Variants in FAM53B observed in about 807,000 individuals in gnomAD.
FAM53B encodes the protein family with sequence similarity 53 member B, also known as protein FAM53B.
FAM53B carries 12 observed loss-of-function variants against 32.7 expected under a neutral mutation model. The ratio of observed to expected loss-of-function variants is 0.37; its 90% CI spans 0.24 to 0.59. The LOEUF is 0.59. Among genes scored for constraint, FAM53B ranks in the 20% least tolerant of loss-of-function variants. FAM53B has a pLI of 0.72. For synonymous variants in FAM53B, 234 were observed against 228.7 expected, an observed-to-expected ratio of 1.02 and a Z score of -0.21; for missense variants, 477 against 577.7, an observed-to-expected ratio of 0.83 and a Z score of 1.79.
intron 1 of FAM53B, among the ~76,000 whole-genome samples, chr10:124,741,854 G>C (rs1950202118): frequency 6.6e-6 from 1 of 152,140 alleles, no homozygotes; most frequent in African/African-American, 2.4e-5. Context: ...AGAGAAGAGG[G>C]AAACTGATTT....
Position 124,733,191 on chromosome 10 carries a change from C to G in FAM53B, c.-175+10822G>C, listed in dbSNP as rs1043880186. Among the ~76,000 whole-genome samples the G allele has an allele frequency of 2.0e-5, 3 of 152,334 alleles. No homozygotes were observed. The highest frequency in any genetic ancestry group is 2.0e-4 in the Admixed American group (3 of 15,304). ...CTACCAGCCTTGGAAAACACACCCC[C>G]CAAAGCTAAGATGGGCTGCTAACTG... On this transcript the variant is annotated intron_variant, in intron 1 of 4. Coordinates refer to ENST00000337318, the MANE Select transcript of FAM53B (RefSeq NM_014661.4). The surrounding 1 kb of genome is among the most constrained non-coding windows in gnomAD (Gnocchi z 4.3).
intron 4 of FAM53B, among the ~76,000 whole-genome samples, chr10:124,681,287 C>T (rs966639743): frequency 1.3e-5 from 2 of 152,164 alleles, no homozygotes; most frequent in Non-Finnish European, 1.5e-5. Context: ...GAGACGGCTC[C>T]AGTGAAGGGC....
chr10:124,670,808 C>A (rs1949703288), intron 4 of FAM53B, among the ~76,000 whole-genome samples: 1 of 152,218 alleles, frequency 6.6e-6, no homozygotes, highest in Non-Finnish European at 1.5e-5. Flanking sequence ...GTGATCCAAA[C>A]CACGCTGGCC....
At chr10:124,624,903 C>T (rs752714672) in intron 4 of FAM53B, among the ~76,000 whole-genome samples, 4 of 152,284 alleles carry the variant, frequency 2.6e-5, no homozygotes, top group African/African-American at 9.6e-5. Flanking sequence ...GCAACGAGGT[C>T]GAATAGCAGA....
At chr10:124,737,321 A>C (rs917729042) in intron 1 of FAM53B, among the ~76,000 whole-genome samples, 1 of 152,166 alleles carries the variant, frequency 6.6e-6, no homozygotes, top group Admixed American at 6.5e-5. Context: ...ACTTTTGGCA[A>C]AGAGGCCAAA....
At chr10:124,627,232 C>A (rs1949361556) in intron 4 of FAM53B, among the ~76,000 whole-genome samples, 1 of 152,136 alleles carries the variant, frequency 6.6e-6, no homozygotes, top group Non-Finnish European at 1.5e-5. Flanking sequence ...TCGTGAGCAA[C>A]CCCCATGCAG....
At chr10:124,711,471 G>C (rs1034982249) in intron 1 of FAM53B, among the ~76,000 whole-genome samples, 1 of 152,072 alleles carries the variant, frequency 6.6e-6, no homozygotes, top group African/African-American at 2.4e-5. Context: ...GGGACAGCGA[G>C]TAAGGGATAT....
At chr10:124,694,011 T>C (rs1949851902) in intron 3 of FAM53B, among the ~76,000 whole-genome samples, 2 of 152,150 alleles carry the variant, frequency 1.3e-5, no homozygotes, top group African/African-American at 4.8e-5. Flanking sequence ...AGGTCAGGGT[T>C]TTCCTGAATT....
intron 1 of FAM53B, among the ~76,000 whole-genome samples, chr10:124,730,378 A>G (rs1260210605): frequency 1.3e-5 from 2 of 152,196 alleles, no homozygotes; most frequent in African/African-American, 4.8e-5. Flanking sequence ...GCAGAGGGGC[A>G]TGGTGGGGGC....
intron 4 of FAM53B, among the ~76,000 whole-genome samples, chr10:124,626,337 C>T (rs943420040): frequency 1.3e-5 from 2 of 150,756 alleles, no homozygotes; most frequent in African/African-American, 4.9e-5. Context: ...TTATGGCCAC[C>T]ATGATTGTGT....
chr10:124,649,916 A>G (rs552017898), intron 4 of FAM53B, among the ~76,000 whole-genome samples: 2 of 152,282 alleles, frequency 1.3e-5, no homozygotes, highest in East Asian at 3.9e-4. Flanking sequence ...GGAAGACACT[A>G]CTGTTCCCAT....
chr10:124,638,215 A>C (rs1165079758), intron 4 of FAM53B, among the ~76,000 whole-genome samples: 1 of 152,022 alleles, frequency 6.6e-6, no homozygotes, highest in East Asian at 1.9e-4. Context: ...AAAAAACACA[A>C]AAAAATTAGC....
At chr10:124,684,896 CAG>C (rs1453193459) in intron 3 of FAM53B, among the ~76,000 whole-genome samples, 1 of 152,062 alleles carries the variant, frequency 6.6e-6, no homozygotes, top group South Asian at 2.1e-4. Context: ...TAAAAGAAAA[CAG>C]AAAGTTATCC....
At chr10:124,642,859 C>T (rs1949486055) in intron 4 of FAM53B, among the ~76,000 whole-genome samples, 2 of 152,372 alleles carry the variant, frequency 1.3e-5, no homozygotes, top group South Asian at 4.1e-4. Context: ...GGCAGTCCGG[C>T]AAGACTGCCT....
chr10:124,650,574 A>G (rs1949549935), intron 4 of FAM53B, among the ~76,000 whole-genome samples: 1 of 152,158 alleles, frequency 6.6e-6, no homozygotes, highest in East Asian at 1.9e-4. Context: ...TCTCATCTCC[A>G]CTTTACAAAT....
rs1451529162 is a variant in FAM53B, at chr10:124,733,449, T to C, written c.-175+10564A>G. Among the ~76,000 whole-genome samples the C allele has an allele frequency of 6.6e-6, 1 of 152,172 alleles. No individual in the cohort carries two copies. Among genetic ancestry groups the C allele is most frequent in the Non-Finnish European group, 1.5e-5 (1 of 68,026 alleles). On this transcript the variant is annotated intron_variant, in intron 1 of 4. Transcript: ENST00000337318. This position sits in a 1 kb window ranked among gnomAD's most constrained non-coding sequence, Gnocchi z 4.3. ...TGAGAACACTAGTGAGAACAGGCTA[T>C]GACAGAGCCCAGGGGGCACCGAAGC...
intron 4 of FAM53B, among the ~76,000 whole-genome samples, chr10:124,629,874 A>G (rs1949379476): frequency 6.6e-6 from 1 of 152,182 alleles, no homozygotes; most frequent in African/African-American, 2.4e-5. Context: ...TTCTCACAGG[A>G]AGCTGCTGCC....
chr10:124,735,295 G>A (rs777128572), intron 1 of FAM53B, among the ~76,000 whole-genome samples: 8 of 152,168 alleles, frequency 5.3e-5, no homozygotes, highest in African/African-American at 9.6e-5. Flanking sequence ...GAGCCAAGAC[G>A]GTGAGGCCAC....
intron 1 of FAM53B, among the ~76,000 whole-genome samples, chr10:124,718,800 C>A (rs570148730): frequency 9.8e-5 from 15 of 152,364 alleles, no homozygotes; most frequent in African/African-American, 3.4e-4. Context: ...ATAATCCCTG[C>A]ACTTGGGCAG....
Sources: gnomAD v4.1 joint callset for allele counts (sites outside exome capture counted in the v4.1 genomes callset) on GRCh38, gnomAD v4.1.1 for gene constraint, Gnocchi (gnomAD v3.1) non-coding constraint, MANE v1.5 for transcripts, NCBI Gene and HGNC (gene_info 2026-07-23, HGNC 2026-07-21) for gene names.